TEX15: variants seen among roughly 807,000 people sequenced by gnomAD.
TEX15 encodes testis expressed 15, meiosis and synapsis associated, also known as testis-expressed protein 15.
Under a neutral mutation model 237.3 loss-of-function variants are expected in TEX15, and 171 were observed. The observed-to-expected ratio is 0.72, with a 90% confidence interval of 0.64 to 0.82. The LOEUF (loss-of-function observed/expected upper bound fraction) is 0.82, where lower values mean the gene tolerates loss of function less well. TEX15 is among the 40% of genes least tolerant of loss of function. TEX15 has a pLI of 0.00. For synonymous variants in TEX15, 1,338 were observed against 1,269.8 expected (o/e 1.05, Z -1.14); for missense variants, 3,750 against 3,646.5 (o/e 1.03, Z -0.73).
At position 30,909,151 on chromosome 8, in the gene TEX15, TCA is replaced by T; in HGVS notation, c.-86+3726_-86+3727del. On this transcript the variant is annotated intron_variant, in intron 1 of 10. Coordinates refer to ENST00000643185, the MANE Select transcript of TEX15 (RefSeq NM_001350162.2). ...TATCAGGACAAACTAGATACTCAAA[TCA>T]GTTATTTTATTAATCATTATCCTAA... 1.3e-5 allele frequency among the ~76,000 whole-genome samples: 2 copies of T among 152,260 alleles called. 1 individual carries two copies. The highest frequency in any genetic ancestry group is 4.8e-5 in the African/African-American group (2 of 41,530).
At chr8:30,881,339 C>A (rs1373851486) in intron 3 of TEX15, among the ~76,000 whole-genome samples, 1 of 151,998 alleles carries the variant, frequency 6.6e-6, no homozygotes, top group African/African-American at 2.4e-5. Flanking sequence ...CCAGTGAAAC[C>A]ATCTGGGCCT....
rs754686573 is a variant in TEX15, at chr8:30,838,042, T to C, written c.8242A>G (p.Lys2748Glu). Residue 2748 changes from lysine (K) to glutamate (E), a missense_variant, in exon 10 of 11, where the codon AAA (lysine) becomes GAA (glutamate). Coordinates refer to ENST00000643185, the MANE Select transcript of TEX15 (RefSeq NM_001350162.2). ...KHPRTTGSHP[K>E]SENKIVPSSC... is the part of the protein sequence containing the mutation. The stretch of plus-strand genomic sequence containing the variant: ...CTTGGTACTATTTTGTTTTCGCTTT[T>C]GGGATGAGATCCTGTAGTCCTATTA... 4.3e-6 allele frequency: 7 copies of C among 1,612,096 alleles called. No homozygotes were observed. The Admixed American group carries it at 1.2e-4, about 27-fold the overall frequency.
At chr8:30,853,435 T>C (rs1025620408) in intron 7 of TEX15, among the ~76,000 whole-genome samples, 2 of 152,120 alleles carry the variant, frequency 1.3e-5, no homozygotes, top group African/African-American at 4.8e-5. Context: ...CAACCAATCA[T>C]GGGTGAAAAA....
At chr8:30,904,696 C>T (rs377409302) in intron 1 of TEX15, among the ~76,000 whole-genome samples, 20 of 152,194 alleles carry the variant, frequency 1.3e-4, no homozygotes, top group South Asian at 4.1e-4. Flanking sequence ...GTGTGCATGA[C>T]GTCATCTTGC....
At chr8:30,856,629 G>T (rs1329457740) in intron 7 of TEX15, among the ~76,000 whole-genome samples, 2 of 152,056 alleles carry the variant, frequency 1.3e-5, no homozygotes, top group Non-Finnish European at 2.9e-5. Flanking sequence ...TATGCTAAAA[G>T]CTACTGAATC....
At chr8:30,838,307 T>C (rs1025209936) in intron 9 of TEX15, among the ~76,000 whole-genome samples, 16 of 152,142 alleles carry the variant, frequency 1.1e-4, no homozygotes, top group Admixed American at 9.8e-4. Context: ...TGTAATAAAC[T>C]ATTTTGTGCA....
intron 1 of TEX15, among the ~76,000 whole-genome samples, chr8:30,902,018 C>T (rs1282496262): frequency 6.6e-6 from 1 of 152,160 alleles, no homozygotes; most frequent in Non-Finnish European, 1.5e-5. Context: ...TCAGCAGCAT[C>T]AGCACAACCT....
At chr8:30,872,016 G>C (rs1035656529) in intron 4 of TEX15, among the ~76,000 whole-genome samples, 7 of 152,090 alleles carry the variant, frequency 4.6e-5, no homozygotes, top group Admixed American at 6.6e-5. Context: ...GGGATTCCTT[G>C]CTCTCAAAAT....
At chr8:30,896,595 T>C (rs964943399) in intron 2 of TEX15, among the ~76,000 whole-genome samples, 1 of 151,554 alleles carries the variant, frequency 6.6e-6, no homozygotes, top group Admixed American at 6.6e-5. Context: ...CCCCATTCTG[T>C]TGATATTTGT....
At chr8:30,865,702 A>G (rs577494614) in intron 5 of TEX15, among the ~76,000 whole-genome samples, 144 of 152,348 alleles carry the variant, frequency 9.5e-4, no homozygotes, top group African/African-American at 3.3e-3. Flanking sequence ...CAAAAAAACC[A>G]TATTATCATT....
chr8:30,866,684 TG>T, intron 5 of TEX15, among the ~76,000 whole-genome samples: 1 of 151,924 alleles, frequency 6.6e-6, no homozygotes, highest in South Asian at 2.1e-4. Context: ...GACATTTACA[TG>T]GTGGCTATTT....
At chr8:30,857,141 T>C (rs1188588649) in intron 7 of TEX15, among the ~76,000 whole-genome samples, 13 of 152,282 alleles carry the variant, frequency 8.5e-5, no homozygotes, top group Non-Finnish European at 1.0e-4. Context: ...CTGCAGCACC[T>C]GCAGCCAACT....
Position 30,867,418 on chromosome 8 carries a change from G to C in TEX15, c.387C>G (p.Ala129=). The C allele has an allele frequency of 6.5e-7, 1 of 1,534,126 alleles. No individual in the cohort carries two copies. The highest frequency in any genetic ancestry group is 8.7e-7 in the Non-Finnish European group (1 of 1,145,548). The change falls in exon 5 of 11, where the codon GCC becomes GCG. Residue 129 remains alanine (A), a synonymous_variant. Coordinates refer to ENST00000643185, the MANE Select transcript of TEX15 (RefSeq NM_001350162.2). ...CFLALPQSDV[A]QIYQNGISTR... ...TACTTATTCCATTCTGATATATCTG[G>C]GCTACATCACTCTGGGGAAGTGCTA...
chr8:30,842,157 TTTA>T lies in TEX15; in HGVS notation c.8007_8009del (p.Asn2669del). 6.2e-7 allele frequency: 1 copy of T among 1,612,666 alleles called. No individual in the cohort carries two copies. The highest frequency in any genetic ancestry group is 8.5e-7 in the Non-Finnish European group (1 of 1,179,438). On this transcript the variant is annotated inframe_deletion, in exon 8 of 11. Coordinates refer to ENST00000643185, the MANE Select transcript of TEX15 (RefSeq NM_001350162.2). ...GGGGCAACATCGTAGAAATACTAAA[TTTA>T]TTGTTATTTTCCCCAGGTTTTACAA...
At chr8:30,888,661 T>C in intron 2 of TEX15, 1 of 1,289,244 alleles carries the variant, frequency 7.8e-7, no homozygotes, top group South Asian at 1.2e-5. Context: ...TTGATGGCCC[T>C]CCTGACACCT....
In TEX15 at chr8:30,848,838, C is replaced by T. The variant is rs867246606; in HGVS notation, c.1329G>A (p.Met443Ile). The T allele has an allele frequency of 6.2e-7, 1 of 1,614,160 alleles. No homozygotes were observed. The change falls in exon 8 of 11, where the codon ATG becomes ATA. Residue 443 changes from methionine to isoleucine, a missense_variant. Transcript: ENST00000643185. ...AGCCTGCAGTACTACTCTGTTCTCC[C>T]ATACTTTCTTCTCTCCTCATCAGTC... The part of the protein sequence containing the change: ...DPRLMRREES[M>I]GEQSSTAGLN...
rs1241781349 is a variant in TEX15, at chr8:30,846,950, T to C, written c.3217A>G (p.Ile1073Val). The change falls in exon 8 of 11, where the codon ATA becomes GTA. Residue 1073 changes from isoleucine (I) to valine (V), a missense_variant. Coordinates refer to ENST00000643185, the MANE Select transcript of TEX15 (RefSeq NM_001350162.2). ...IELEDCDDAF[I>V]FQQDTHSHEN... ...TGGCTATGTGTATCTTGTTGAAATATAAAAGCATCATCACAATCTTCTAAT... is the reference window on the plus strand; with the variant it reads ...TGGCTATGTGTATCTTGTTGAAATACAAAAGCATCATCACAATCTTCTAAT... The C allele has an allele frequency of 1.9e-6, 3 of 1,613,808 alleles. No individual in the cohort carries two copies. Among genetic ancestry groups the C allele is most frequent in the Non-Finnish European group, 1.7e-6 (2 of 1,179,750 alleles).
chr8:30,865,196 A>C (rs1563256554), intron 5 of TEX15, among the ~76,000 whole-genome samples: 1 of 152,242 alleles, frequency 6.6e-6, no homozygotes, highest in South Asian at 2.1e-4. Flanking sequence ...ATAACTATAC[A>C]GCAATAAATT....
rs1807326216 is a variant in TEX15 at position 30,837,292 on chromosome 8, CAGAA to C, written c.8988_8991del (p.Ser2997AsnfsTer11). 1 of 1,614,122 alleles carries C rather than the reference CAGAA, an allele frequency of 6.2e-7. No homozygotes were observed. Among genetic ancestry groups the C allele is most frequent in the African/African-American group, 1.3e-5 (1 of 75,034 alleles). ...TTTGAATTTTTGTCATTCTGTTGTT[CAGAA>C]AGAGAGTACTCTGCTCCTTGATTCA... On this transcript the variant is annotated frameshift_variant, in exon 10 of 11. Coordinates refer to ENST00000643185, the MANE Select transcript of TEX15 (RefSeq NM_001350162.2). LOFTEE classifies it high-confidence loss of function.
Sources: allele counts gnomAD v4.1 joint callset (sites outside exome capture counted in the v4.1 genomes callset), GRCh38; gene constraint gnomAD v4.1.1; transcripts MANE v1.5; gene names NCBI Gene and HGNC (gene_info 2026-07-23, HGNC 2026-07-21).